Variants in RNF128 observed in about 807,000 individuals in gnomAD.
RNF128 encodes the protein ring finger protein 128, also known as E3 ubiquitin-protein ligase RNF128.
In RNF128, 13 loss-of-function variants were observed where a neutral mutation model predicts 26.2. That is an observed-to-expected ratio of 0.50 (90% confidence interval 0.32 to 0.79). The LOEUF (loss-of-function observed/expected upper bound fraction) is 0.79. Among genes scored for constraint, RNF128 ranks in the 30% least tolerant of loss-of-function variants. The pLI is 0.03. For missense variants in RNF128, 315 were observed against 349.7 expected (o/e 0.90, Z 0.79); for synonymous variants, 149 against 142.5 (o/e 1.05, Z -0.32).
At chrX:106,736,181 G>A (rs1263437424) in intron 1 of RNF128, among the ~76,000 whole-genome samples, 1 of 111,387 alleles carries the variant, frequency 9.0e-6, no homozygotes, top group Non-Finnish European at 1.9e-5. Context: ...AGGGAATCGT[G>A]ATATTCTTAT....
chrX:106,778,206 ATGT>A (rs749221818), intron 2 of RNF128, among the ~76,000 whole-genome samples: 13 of 111,471 alleles, frequency 1.2e-4, no homozygotes, highest in Admixed American at 1.1e-3. Flanking sequence ...TATAACTGCC[ATGT>A]TGTTCAAGGG....
chrX:106,775,083 T>C (rs1341076292), intron 2 of RNF128, among the ~76,000 whole-genome samples: 1 of 112,324 alleles, frequency 8.9e-6, no homozygotes, highest in Non-Finnish European at 1.9e-5. Flanking sequence ...AAGCAGCTTA[T>C]CACATTGGTG....
intron 1 of RNF128, among the ~76,000 whole-genome samples, chrX:106,738,495 G>A (rs1929639185): frequency 9.0e-6 from 1 of 111,522 alleles, no homozygotes; most frequent in Admixed American, 9.5e-5. Context: ...GGCAGTTCCT[G>A]AAAAATGCAG....
intron 1 of RNF128, among the ~76,000 whole-genome samples, chrX:106,764,936 G>T (rs919611749): frequency 1.8e-5 from 2 of 110,700 alleles, no homozygotes; most frequent in East Asian, 2.8e-4. Context: ...AAAATTTAAA[G>T]CCCCTAAATA....
In RNF128 at chrX:106,711,671, C is replaced by T. The variant is rs1287552502; in HGVS notation, c.406+17263C>T. On this transcript the variant is annotated intron_variant, in intron 1 of 6. Coordinates refer to the RNF128 transcript ENST00000324342. ...AACACTTCAGTACTTGTCTCAAGCA[C>T]ATTTTATTTTGGTTTATTTTTCCAT... Among the ~76,000 whole-genome samples, 13 of 111,703 alleles carry T rather than the reference C, an allele frequency of 1.2e-4. No individual in the cohort carries two copies. In the Admixed American group the frequency reaches 1.2e-3, roughly 11 times the overall value.
upstream of RNF128, among the ~76,000 whole-genome samples, chrX:106,724,682 A>G (rs1325959461): frequency 8.9e-6 from 1 of 112,085 alleles, no homozygotes; most frequent in African/African-American, 3.2e-5. Flanking sequence ...TCTCAAACTC[A>G]GCCCAGGTCT....
chrX:106,760,391 C>T (rs964539174), intron 1 of RNF128, among the ~76,000 whole-genome samples: 1 of 111,428 alleles, frequency 9.0e-6, no homozygotes, highest in Admixed American at 9.6e-5. Flanking sequence ...AAATATTCAA[C>T]GTCACCAATC....
At chrX:106,763,845 C>T (rs1930164400) in intron 1 of RNF128, among the ~76,000 whole-genome samples, 2 of 111,244 alleles carry the variant, frequency 1.8e-5, no homozygotes, top group South Asian at 7.5e-4. Context: ...GTATATAGCA[C>T]GTATGAATAT....
chrX:106,791,294 T>G, intron 6 of RNF128, 60 bp downstream of exon 6: 1 of 1,031,336 alleles, frequency 9.7e-7, no homozygotes, highest in Non-Finnish European at 1.3e-6. Flanking sequence ...CATATGCCTG[T>G]ATAGTACTCT....
chrX:106,765,815 CATTA>C (rs1282852346), intron 1 of RNF128, among the ~76,000 whole-genome samples: 1 of 110,782 alleles, frequency 9.0e-6, no homozygotes, highest in Non-Finnish European at 1.9e-5. Flanking sequence ...GTGCTGCACC[CATTA>C]ACTAACTCGT....
intron 1 of RNF128, among the ~76,000 whole-genome samples, chrX:106,760,191 C>T: frequency 9.0e-6 from 1 of 111,350 alleles, no homozygotes; most frequent in Non-Finnish European, 1.9e-5. Flanking sequence ...CCTTTTGTTA[C>T]CTATAAATTT....
chrX:106,748,956 T>C (rs1242230534), intron 1 of RNF128, among the ~76,000 whole-genome samples: 1 of 112,121 alleles, frequency 8.9e-6, no homozygotes, highest in East Asian at 2.8e-4. Flanking sequence ...CATTACATAT[T>C]ATATACAGTT....
intron 1 of RNF128, among the ~76,000 whole-genome samples, chrX:106,743,803 T>C (rs7052171): frequency 0.18 from 19,455 of 110,882 alleles, 4,335 homozygotes; most frequent in African/African-American, 0.62. Flanking sequence ...CACATGCACA[T>C]GTATGTTTAT....
At chrX:106,773,595 G>A (rs993891232) in intron 2 of RNF128, among the ~76,000 whole-genome samples, 5 of 111,067 alleles carry the variant, frequency 4.5e-5, no homozygotes, top group African/African-American at 9.8e-5. Flanking sequence ...TTATATGTAC[G>A]TCTGTATTTG....
chrX:106,749,720 A>G (rs1310836464), intron 1 of RNF128, among the ~76,000 whole-genome samples: 1 of 111,004 alleles, frequency 9.0e-6, no homozygotes, highest in Non-Finnish European at 1.9e-5. Context: ...AGCCTGGGCA[A>G]CATAGTGAGA....
rs1046618115 is a variant in RNF128, at chrX:106,796,905, T to C, written c.*1192T>C. The C allele has an allele frequency of 8.9e-6, 1 of 112,488 alleles. No homozygotes were observed. Among genetic ancestry groups the C allele is most frequent in the African/African-American group, 3.2e-5 (1 of 30,893 alleles). The allele number at this position is 112,488 out of a possible 1,213,427, so 9.3% of individuals were successfully genotyped here. ...CTGAATGGATGAAACCATTGCATTCTTGTACACTGATTTGAAATGCTGTAA... is the reference window on the plus strand; with the variant it reads ...CTGAATGGATGAAACCATTGCATTCCTGTACACTGATTTGAAATGCTGTAA... On this transcript the variant is annotated 3_prime_UTR_variant, in exon 7 of 7. Coordinates refer to ENST00000255499, the MANE Select transcript of RNF128 (RefSeq NM_194463.2).
intron 1 of RNF128, among the ~76,000 whole-genome samples, chrX:106,770,107 G>A (rs1370060194): frequency 8.9e-6 from 1 of 112,112 alleles, no homozygotes; most frequent in African/African-American, 3.2e-5. Flanking sequence ...TTTCTGCCGA[G>A]AGATCCGCTG....
intron 2 of RNF128, among the ~76,000 whole-genome samples, chrX:106,783,390 A>G (rs1481265814): frequency 9.0e-6 from 1 of 111,636 alleles, no homozygotes; most frequent in African/African-American, 3.3e-5. Flanking sequence ...ATGGTAGTTT[A>G]CATTTTGTGT....
chrX:106,696,730 C>T (rs1928878964), intron 1 of RNF128, among the ~76,000 whole-genome samples: 1 of 111,541 alleles, frequency 9.0e-6, no homozygotes, highest in Non-Finnish European at 1.9e-5. Flanking sequence ...CTAGGTCTTA[C>T]TAAGCACTTC....
Sources: allele counts gnomAD v4.1 joint callset (sites outside exome capture counted in the v4.1 genomes callset), GRCh38; gene constraint gnomAD v4.1.1; transcripts MANE v1.5; gene names NCBI Gene and HGNC (gene_info 2026-07-23, HGNC 2026-07-21).